TSPAN5: variants seen among roughly 807,000 people sequenced by gnomAD.
TSPAN5 encodes the protein tetraspanin-5.
In TSPAN5, 10 loss-of-function variants were observed where a neutral mutation model predicts 37.1. The observed-to-expected ratio is 0.27, with a 90% confidence interval of 0.17 to 0.46. The LOEUF (loss-of-function observed/expected upper bound fraction) is 0.46. TSPAN5 is among the 20% of genes least tolerant of loss of function. The pLI, the probability that TSPAN5 is intolerant of heterozygous loss-of-function variation, is 1.00. For missense variants in TSPAN5, 195 were observed against 326.6 expected (o/e 0.60, Z 3.11); for synonymous variants, 110 against 118.9 (o/e 0.93, Z 0.48).
intron 1 of TSPAN5, among the ~76,000 whole-genome samples, chr4:98,571,868 A>C (rs1205569508): frequency 6.6e-6 from 1 of 152,236 alleles, no homozygotes; most frequent in Non-Finnish European, 1.5e-5. Flanking sequence ...TGTGGATATA[A>C]CAGTGAACCT....
At chr4:98,604,576 T>C (rs1260451872) in intron 1 of TSPAN5, among the ~76,000 whole-genome samples, 1 of 152,212 alleles carries the variant, frequency 6.6e-6, no homozygotes, top group Non-Finnish European at 1.5e-5. Flanking sequence ...ATCTAGGCAG[T>C]AGTGGGATTT....
In TSPAN5 at chr4:98,486,846, G is replaced by A. The variant is rs932792051; in HGVS notation, c.171C>T (p.Gly57=). The A allele has an allele frequency of 4.3e-6, 7 of 1,614,040 alleles. No individual in the cohort carries two copies. Among genetic ancestry groups the A allele is most frequent in the South Asian group, 3.3e-5 (3 of 91,076 alleles). ...LSNISSITDL[G]GFDPVWLFLV... ...GGAAGAGCCAAACTGGGTCAAAGCCGCCGAGATCGGTGATGGAAGAGATGT... is the reference window on the plus strand; with the variant it reads ...GGAAGAGCCAAACTGGGTCAAAGCCACCGAGATCGGTGATGGAAGAGATGT... The change falls in exon 3 of 8, where the codon GGC becomes GGT. Residue 57 remains glycine, a synonymous_variant. Transcript: ENST00000305798.
chr4:98,535,980 G>T (rs1345020821), intron 1 of TSPAN5, among the ~76,000 whole-genome samples: 4 of 152,130 alleles, frequency 2.6e-5, no homozygotes, highest in Non-Finnish European at 4.4e-5. Context: ...GTTAGAGCAT[G>T]CTCGTTTAGC....
At chr4:98,489,917 C>G (rs1404392747) in intron 2 of TSPAN5, among the ~76,000 whole-genome samples, 1 of 152,204 alleles carries the variant, frequency 6.6e-6, no homozygotes, top group Non-Finnish European at 1.5e-5. Flanking sequence ...CCCCCGGTAA[C>G]AATACCACCA....
intron 1 of TSPAN5, among the ~76,000 whole-genome samples, chr4:98,626,962 A>C (rs1342567141): frequency 6.6e-6 from 1 of 151,064 alleles, no homozygotes; most frequent in African/African-American, 2.4e-5. Flanking sequence ...ACATCAAAAA[A>C]TATTTACTGG....
intron 2 of TSPAN5, among the ~76,000 whole-genome samples, chr4:98,505,114 C>A (rs796774513): frequency 1.3e-4 from 20 of 152,162 alleles, no homozygotes; most frequent in African/African-American, 4.6e-4. Flanking sequence ...AATATCATTA[C>A]ATTGGGGATG....
chr4:98,632,517 G>T (rs1208712702), intron 1 of TSPAN5, among the ~76,000 whole-genome samples: 3 of 152,148 alleles, frequency 2.0e-5, no homozygotes, highest in Non-Finnish European at 2.9e-5. Context: ...ATTACATGGG[G>T]ACTTCAGGGG....
chr4:98,530,980 C>T (rs557275136), intron 1 of TSPAN5, among the ~76,000 whole-genome samples: 4 of 152,296 alleles, frequency 2.6e-5, no homozygotes, highest in Admixed American at 2.0e-4. Flanking sequence ...GACCATACCT[C>T]ACTGCTGCCT....
In TSPAN5 at chr4:98,476,444, G is replaced by C. The variant is rs1297895813; in HGVS notation, c.593C>G (p.Thr198Ser). Residue 198 changes from threonine (T) to serine (S), a missense_variant, in exon 6 of 8, where the codon ACT becomes AGT. Physicochemically the swap from Thr to Ser is moderately conservative, Grantham distance 58 (BLOSUM62 1). Coordinates refer to ENST00000305798, the MANE Select transcript of TSPAN5 (RefSeq NM_005723.4). ...TTGCCTGGCATCATAGCCACACTGA[G>C]TGTTGATGACATCTTCCTGGTGAAG... ...TKDPAEDVIN[T>S]QCGYDARQKP... 6.2e-7 allele frequency: 1 copy of C among 1,614,202 alleles called. No individual in the cohort carries two copies. The highest frequency in any genetic ancestry group is 1.1e-5 in the South Asian group (1 of 91,078).
chr4:98,583,485 G>A (rs1021622300), intron 1 of TSPAN5, among the ~76,000 whole-genome samples: 6 of 151,048 alleles, frequency 4.0e-5, no homozygotes, highest in Non-Finnish European at 7.4e-5. Flanking sequence ...AGCATTTAAC[G>A]CCCAGCCTTT....
At chr4:98,519,415 T>C (rs1753806558) in intron 1 of TSPAN5, among the ~76,000 whole-genome samples, 1 of 152,112 alleles carries the variant, frequency 6.6e-6, no homozygotes, top group Admixed American at 6.5e-5. Flanking sequence ...GGAGGATCGC[T>C]TGAGCCCAGG....
chr4:98,494,312 A>T (rs1157657751), intron 2 of TSPAN5, among the ~76,000 whole-genome samples: 2 of 151,972 alleles, frequency 1.3e-5, no homozygotes, highest in Non-Finnish European at 1.5e-5. Context: ...GATCCAAGTA[A>T]ATCCAAAACT....
At chr4:98,592,439 T>TTG (rs1560550874) in intron 1 of TSPAN5, among the ~76,000 whole-genome samples, 1 of 148,888 alleles carries the variant, frequency 6.7e-6, no homozygotes, top group African/African-American at 2.5e-5. Flanking sequence ...TTTTTTTTTT[T>TTG]TTTTTTTTTA....
chr4:98,495,766 G>GTT (rs34956461), intron 2 of TSPAN5, among the ~76,000 whole-genome samples: 1 of 147,340 alleles, frequency 6.8e-6, no homozygotes, highest in Non-Finnish European at 1.5e-5. Context: ...GAGTGTCTGT[G>GTT]TTTTTTTTTT....
At chr4:98,489,925 C>T (rs1001476602) in intron 2 of TSPAN5, among the ~76,000 whole-genome samples, 2 of 152,196 alleles carry the variant, frequency 1.3e-5, no homozygotes, top group African/African-American at 4.8e-5. Context: ...AACAATACCA[C>T]CAAGTCTGTT....
intron 1 of TSPAN5, among the ~76,000 whole-genome samples, chr4:98,623,722 A>G (rs1369128547): frequency 6.6e-6 from 1 of 152,146 alleles, no homozygotes; most frequent in East Asian, 1.9e-4. Context: ...TTGAGATACA[A>G]CCCATCCCTT....
At chr4:98,556,415 A>G (rs1178348706) in intron 1 of TSPAN5, among the ~76,000 whole-genome samples, 2 of 152,192 alleles carry the variant, frequency 1.3e-5, no homozygotes, top group Non-Finnish European at 2.9e-5. Flanking sequence ...GCTTCTTTTT[A>G]TGAACGAGGA....
At chr4:98,494,567 C>T (rs1417931330) in intron 2 of TSPAN5, among the ~76,000 whole-genome samples, 1 of 151,754 alleles carries the variant, frequency 6.6e-6, no homozygotes, top group East Asian at 2.0e-4. Context: ...ATGATGGAAA[C>T]AATCCAAGTA....
intron 1 of TSPAN5, among the ~76,000 whole-genome samples, chr4:98,591,224 T>C (rs1450232059): frequency 1.3e-5 from 2 of 148,952 alleles, no homozygotes; most frequent in African/African-American, 2.5e-5. Context: ...ATACGCAAAA[T>C]TCAATTATTT....
Sources: gnomAD v4.1 joint callset for allele counts (sites outside exome capture counted in the v4.1 genomes callset) on GRCh38, gnomAD v4.1.1 for gene constraint, MANE v1.5 for transcripts, NCBI Gene and HGNC (gene_info 2026-07-23, HGNC 2026-07-21) for gene names.